The following RSU1 variants were observed in gnomAD, a reference collection of about 807,000 sequenced individuals.
RSU1 encodes the protein Ras suppressor protein 1.
A neutral mutation model predicts 31.1 loss-of-function variants in RSU1; 26 were observed. The observed-to-expected ratio is 0.84, with a 90% confidence interval of 0.61 to 1.16. The LOEUF (loss-of-function observed/expected upper bound fraction) is 1.16. Among genes scored for constraint, RSU1 ranks in the 50% most tolerant of loss-of-function variants. The pLI is 0.00. For synonymous variants in RSU1, 164 were observed against 136.3 expected, an observed-to-expected ratio of 1.20 and a Z score of -1.41; for missense variants, 320 against 339.1, an observed-to-expected ratio of 0.94 and a Z score of 0.44.
intron 7 of RSU1, among the ~76,000 whole-genome samples, chr10:16,714,267 G>A (rs567045815): frequency 1.3e-5 from 2 of 152,334 alleles, no homozygotes; most frequent in Middle Eastern, 6.8e-3. Context: ...GCTGTGTCAG[G>A]TGGCCCTGTA....
intron 2 of RSU1, among the ~76,000 whole-genome samples, chr10:16,815,304 T>C (rs1269237877): frequency 1.3e-5 from 2 of 152,184 alleles, no homozygotes; most frequent in Non-Finnish European, 2.9e-5. Flanking sequence ...GAAACGCAAA[T>C]CTACGTTTCC....
intron 8 of RSU1, among the ~76,000 whole-genome samples, chr10:16,614,170 A>G (rs954858643): frequency 1.3e-5 from 2 of 152,256 alleles, no homozygotes; most frequent in Admixed American, 1.3e-4. Flanking sequence ...CTTAGCAGTT[A>G]ATTCACCAAT....
At position 16,634,023 on chromosome 10, in the gene RSU1, C is replaced by T. The variant is rs562474793; in HGVS notation, c.732-40527G>A. On this transcript the variant is annotated intron_variant, in intron 8 of 8. Coordinates refer to ENST00000345264, the MANE Select transcript of RSU1 (RefSeq NM_012425.4). ...GATCTCACACTGACGTTCAATCTGT[C>T]TTTTCCAGCATCCTCTATTTATCAG... 4.6e-5 allele frequency among the ~76,000 whole-genome samples: 7 copies of T among 152,344 alleles called. No individual in the cohort carries two copies. In the South Asian group the frequency reaches 1.2e-3, roughly 27 times the overall value.
intron 2 of RSU1, among the ~76,000 whole-genome samples, chr10:16,808,981 T>G (rs1838342160): frequency 1.3e-5 from 2 of 152,186 alleles, no homozygotes; most frequent in Non-Finnish European, 2.9e-5. Flanking sequence ...CCAGCCCTGC[T>G]GACACTATGA....
At chr10:16,766,166 G>A (rs1445383753) in intron 3 of RSU1, among the ~76,000 whole-genome samples, 4 of 152,200 alleles carry the variant, frequency 2.6e-5, no homozygotes, top group Non-Finnish European at 4.4e-5. Context: ...TGGGGCACAC[G>A]GGCAGGGAGC....
chr10:16,810,663 C>G (rs1187779472), intron 2 of RSU1, among the ~76,000 whole-genome samples: 1 of 152,170 alleles, frequency 6.6e-6, no homozygotes, highest in Non-Finnish European at 1.5e-5. Context: ...AGTACCATCA[C>G]CAACGTTTCC....
chr10:16,725,084 C>A (rs533296331), intron 7 of RSU1, among the ~76,000 whole-genome samples: 18 of 152,274 alleles, frequency 1.2e-4, no homozygotes, highest in African/African-American at 4.1e-4. Flanking sequence ...TATTTCTTCA[C>A]CTGAATAGTT....
chr10:16,739,295 C>G (rs1181743405), intron 7 of RSU1, among the ~76,000 whole-genome samples: 1 of 151,912 alleles, frequency 6.6e-6, no homozygotes, highest in African/African-American at 2.4e-5. Context: ...ACACTGTCTT[C>G]CAGAATGGTT....
chr10:16,761,068 G>A (rs956916489), intron 4 of RSU1, among the ~76,000 whole-genome samples: 10 of 152,032 alleles, frequency 6.6e-5, no homozygotes, highest in African/African-American at 2.4e-4. Flanking sequence ...CAGCCTCCCA[G>A]GTAGAGTAGC....
chr10:16,626,617 C>A (rs1241391777), intron 8 of RSU1, among the ~76,000 whole-genome samples: 1 of 152,196 alleles, frequency 6.6e-6, no homozygotes, highest in Non-Finnish European at 1.5e-5. Context: ...AGATCAGAGT[C>A]TGAATCCCAA....
In RSU1 at chr10:16,781,961, C is replaced by T. The variant is rs1325058336; in HGVS notation, c.160+73G>A. 18 of 1,263,318 alleles carry T rather than the reference C, an allele frequency of 1.4e-5. No individual in the cohort carries two copies. The Admixed American group carries it at 3.6e-4, about 25-fold the overall frequency. The allele number at this position is 1,263,318 out of a possible 1,614,324, so 78.3% of individuals were successfully genotyped here. A position where few individuals can be genotyped will look rare whatever the true frequency, so the allele number is the denominator to read the frequency against. ...TCTTCATTAGTTTCTCCCAAGGAAACAGTAACAGACTCAGCAGTGCCATAG... is the reference window on the plus strand; with the variant it reads ...TCTTCATTAGTTTCTCCCAAGGAAATAGTAACAGACTCAGCAGTGCCATAG... On this transcript the variant is annotated intron_variant, in intron 3 of 8. Coordinates refer to ENST00000345264, the MANE Select transcript of RSU1 (RefSeq NM_012425.4).
intron 8 of RSU1, among the ~76,000 whole-genome samples, chr10:16,669,324 G>A (rs1835060533): frequency 6.6e-6 from 1 of 151,824 alleles, no homozygotes; most frequent in Admixed American, 6.6e-5. Context: ...AAAGGCCCAT[G>A]TGATTTCTGT....
chr10:16,641,790 A>G (rs17138915), intron 8 of RSU1, among the ~76,000 whole-genome samples: 50,553 of 152,078 alleles, frequency 0.33, 9,437 homozygotes, highest in African/African-American at 0.5. Flanking sequence ...CCACTTTCAC[A>G]GCAGACCGAC....
chr10:16,727,172 G>A (rs981296431), intron 7 of RSU1: 15 of 456,362 alleles, frequency 3.3e-5, no homozygotes, highest in African/African-American at 1.8e-4. Context: ...AGTGACAGGA[G>A]TCATTGACTT....
chr10:16,813,544 T>C (rs1838457530), intron 2 of RSU1, among the ~76,000 whole-genome samples: 2 of 152,236 alleles, frequency 1.3e-5, no homozygotes, highest in Middle Eastern at 3.2e-3. Context: ...TAATGTGCAT[T>C]ATTGCATTTA....
At chr10:16,814,730 A>G (rs1588554547) in intron 2 of RSU1, among the ~76,000 whole-genome samples, 2 of 152,324 alleles carry the variant, frequency 1.3e-5, no homozygotes, top group South Asian at 4.1e-4. Context: ...CAACTTCCCA[A>G]AAAGTACTAT....
chr10:16,695,053 A>C lies in RSU1; in HGVS notation c.701T>G (p.Phe234Cys), dbSNP rs1835644944. Residue 234 changes from phenylalanine (F) to cysteine (C), a missense_variant, in exon 8 of 9, where the codon TTT (phenylalanine) becomes TGT (cysteine). Physicochemically the swap from Phe to Cys is radical, Grantham distance 205. Transcript: ENST00000345264. ...GTATGTCTCAGAACGGATATACTCAAAAACATGGGACACGCCAAGCTGGAA... is the reference window on the plus strand; with the variant it reads ...GTATGTCTCAGAACGGATATACTCACAAACATGGGACACGCCAAGCTGGAA... Reference protein sequence around the residue: ...DQFQLGVSHVFEYIRSETYKY... With the variant: ...DQFQLGVSHVCEYIRSETYKY... 6.2e-7 allele frequency: 1 copy of C among 1,613,554 alleles called. No individual in the cohort carries two copies. Among genetic ancestry groups the C allele is most frequent in the Admixed American group, 1.7e-5 (1 of 59,982 alleles).
chr10:16,708,715 C>G (rs1012847868), intron 7 of RSU1, among the ~76,000 whole-genome samples: 1 of 151,976 alleles, frequency 6.6e-6, no homozygotes, highest in Non-Finnish European at 1.5e-5. Flanking sequence ...ACCATGAAGA[C>G]AAAGTAGCTT....
chr10:16,595,810 A>AAAAAAAAAAAAAAAAG (rs1201244921), intron 8 of RSU1, among the ~76,000 whole-genome samples: 13 of 151,798 alleles, frequency 8.6e-5, no homozygotes, highest in African/African-American at 3.2e-4. Flanking sequence ...CTACTAAAAA[A>AAAAAAAAAAAAAAAAG]AAGAAAAAAT....
Sources: allele counts gnomAD v4.1 joint callset (sites outside exome capture counted in the v4.1 genomes callset), GRCh38; gene constraint gnomAD v4.1.1; transcripts MANE v1.5; gene names NCBI Gene and HGNC (gene_info 2026-07-23, HGNC 2026-07-21).